Variants in MANSC4 observed in about 807,000 individuals in gnomAD.
MANSC4 encodes MANSC domain containing 4.
A neutral mutation model predicts 11.4 loss-of-function variants in MANSC4; 11 were observed. The observed-to-expected ratio is 0.97, with a 90% CI of 0.61 to 1.60. The LOEUF is 1.60. Among genes scored for constraint, MANSC4 ranks in the 40% most tolerant of loss-of-function variants. MANSC4 has a pLI of 0.00. For missense variants in MANSC4, 354 were observed against 404.6 expected (o/e 0.88, Z 1.07); for synonymous variants, 123 against 147.1 (o/e 0.84, Z 1.19).
intron 1 of MANSC4, among the ~76,000 whole-genome samples, chr12:27,775,024 AAAATAAATAAATAAATAAATAAAT>A (rs71039849): frequency 0.054 from 6,103 of 112,790 alleles, 396 homozygotes; most frequent in African/African-American, 0.18. Context: ...ATTCCGTCTC[AAAATAAATAAATAAATAAATAAAT>A]AAATAAATAA....
At position 27,771,190 on chromosome 12, in the gene MANSC4, A is replaced by G. The variant is rs1318017054; in HGVS notation, c.87T>C (p.Phe29=). 6.4e-7 allele frequency: 1 copy of G among 1,552,012 alleles called. No individual in the cohort carries two copies. Among genetic ancestry groups the G allele is most frequent in the Non-Finnish European group, 8.7e-7 (1 of 1,147,102 alleles). ...TSDSLCSPTI[F]YRDCWIRRFP... is the part of the protein sequence containing the mutation. ...AGCGACGGATCCAGCAGTCTCTGTA[A>G]AAAATTGTGGGTGAGCAGAGAGAGT... The change falls in exon 2 of 4, where the codon TTT becomes TTC. Residue 29 remains phenylalanine (F), a synonymous_variant. Coordinates refer to ENST00000381273, the MANE Select transcript of MANSC4 (RefSeq NM_001146221.5).
At chr12:27,773,249 G>T (rs1185865655) in intron 1 of MANSC4, among the ~76,000 whole-genome samples, 2 of 152,190 alleles carry the variant, frequency 1.3e-5, no homozygotes, top group Admixed American at 1.3e-4. Context: ...ACAAAAAAGG[G>T]ATCTACAAGT....
chr12:27,773,282 A>C (rs2062107523), intron 1 of MANSC4, among the ~76,000 whole-genome samples: 1 of 152,242 alleles, frequency 6.6e-6, no homozygotes, highest in Non-Finnish European at 1.5e-5. Flanking sequence ...GCATGCTTTA[A>C]ATTTTGTAAA....
intron 1 of MANSC4, chr12:27,779,743 T>C (rs2062135114): frequency 6.6e-6 from 1 of 152,278 alleles, no homozygotes; most frequent in South Asian, 2.1e-4. Context: ...CTTTAGCCCG[T>C]GTAAAGCAGC....
intron 1 of MANSC4, among the ~76,000 whole-genome samples, chr12:27,773,656 A>G (rs143245066): frequency 2.7e-3 from 407 of 152,340 alleles, no homozygotes; most frequent in African/African-American, 9.2e-3. Flanking sequence ...TTATTTTTAC[A>G]AGAGTCCCAG....
At chr12:27,778,802 A>G (rs2062129981) in intron 1 of MANSC4, among the ~76,000 whole-genome samples, 1 of 152,172 alleles carries the variant, frequency 6.6e-6, no homozygotes, top group South Asian at 2.1e-4. Flanking sequence ...CAAGACAAAA[A>G]GTCCTTCCTA....
chr12:27,771,297 C>A lies in MANSC4; in HGVS notation c.-21G>T. 1.3e-6 allele frequency: 2 copies of A among 1,539,998 alleles called. No individual in the cohort carries two copies. The highest frequency in any genetic ancestry group is 1.8e-6 in the Non-Finnish European group (2 of 1,139,532). On this transcript the variant is annotated 5_prime_UTR_variant, in exon 2 of 4. Coordinates refer to ENST00000381273, the MANE Select transcript of MANSC4 (RefSeq NM_001146221.5). ...TGCATTTTTCCTGTATGAAGGAAGACTCGAAGATAAGTCTGATTTCCAGAC... is the reference window on the plus strand; with the variant it reads ...TGCATTTTTCCTGTATGAAGGAAGAATCGAAGATAAGTCTGATTTCCAGAC...
chr12:27,777,447 C>A (rs2062123307), intron 1 of MANSC4, among the ~76,000 whole-genome samples: 1 of 152,144 alleles, frequency 6.6e-6, no homozygotes, highest in Admixed American at 6.6e-5. Flanking sequence ...AATTCCCCAG[C>A]CTGATGCTTA....
intron 1 of MANSC4, among the ~76,000 whole-genome samples, chr12:27,778,116 T>G (rs2062126193): frequency 6.6e-6 from 1 of 151,106 alleles, no homozygotes; most frequent in Non-Finnish European, 1.5e-5. Flanking sequence ...TCCCAGCTAC[T>G]CCGGAGGCTG....
intron 1 of MANSC4, among the ~76,000 whole-genome samples, chr12:27,777,610 C>T (rs1293523940): frequency 6.6e-6 from 1 of 152,106 alleles, no homozygotes; most frequent in Non-Finnish European, 1.5e-5. Flanking sequence ...TTATCAGTAA[C>T]GATTTAAAGG....
At chr12:27,778,758 TC>T (rs2062129659) in intron 1 of MANSC4, among the ~76,000 whole-genome samples, 1 of 152,160 alleles carries the variant, frequency 6.6e-6, no homozygotes, top group South Asian at 2.1e-4. Flanking sequence ...AATATATTTC[TC>T]CCCCCACCCC....
chr12:27,762,989 ATTGT>A lies in MANSC4; in HGVS notation c.768_771del (p.Lys256AsnfsTer3), dbSNP rs1332157412. The A allele has an allele frequency of 1.3e-6, 2 of 1,551,756 alleles. No homozygotes were observed. The highest frequency in any genetic ancestry group is 1.7e-6 in the Non-Finnish European group (2 of 1,147,020). On this transcript the variant is annotated frameshift_variant, in exon 4 of 4. Coordinates refer to ENST00000381273, the MANE Select transcript of MANSC4 (RefSeq NM_001146221.5). LOFTEE classifies it low-confidence loss of function (END_TRUNC). ...TTGTATCCTTTGGTTTTGTTTAGTA[ATTGT>A]TTGCTACTGTTGAGTCCAGGTGGAA...
intron 1 of MANSC4, chr12:27,779,755 T>C (rs1179245703): frequency 6.6e-6 from 1 of 152,232 alleles, no homozygotes; most frequent in East Asian, 1.9e-4. Flanking sequence ...TAAAGCAGCG[T>C]GGGAGAGAAA....
At position 27,780,121 on chromosome 12, in the gene MANSC4, AAGG is replaced by A. The variant is rs2062138200; in HGVS notation, c.-307+86_-307+88del. 1 of 189,622 alleles carries A rather than the reference AAGG, an allele frequency of 5.3e-6. No homozygotes were observed. The highest frequency in any genetic ancestry group is 6.1e-5 in the Admixed American group (1 of 16,282). 11.7% of individuals were successfully genotyped at this position (189,622 alleles called of 1,614,324 possible). On this transcript the variant is annotated intron_variant, in intron 1 of 3. Transcript: ENST00000381273. The surrounding 1 kb of genome is among the most constrained non-coding windows in gnomAD (Gnocchi z 8.8). ...CCGGCCCTTTTTTGGCGCTGAGGGA[AAGG>A]AGAAGGGCAGGGCCGCCGCCTCGCG...
intron 1 of MANSC4, among the ~76,000 whole-genome samples, chr12:27,776,626 A>C (rs183357965): frequency 4.7e-4 from 71 of 152,232 alleles, no homozygotes; most frequent in African/African-American, 1.7e-3. Flanking sequence ...GCTACTTGGG[A>C]GGCTGAGGTG....
At chr12:27,764,749 C>G (rs927581485) in intron 3 of MANSC4, among the ~76,000 whole-genome samples, 9 of 152,176 alleles carry the variant, frequency 5.9e-5, no homozygotes, top group Non-Finnish European at 1.0e-4. Flanking sequence ...CTTACATCAT[C>G]TCTTAATATG....
At position 27,763,074 on chromosome 12, in the gene MANSC4, A is replaced by G. The variant is rs1338258135; in HGVS notation, c.687T>C (p.Asn229=). The G allele has an allele frequency of 3.2e-6, 5 of 1,551,694 alleles. No individual in the cohort carries two copies. The Admixed American group carries it at 7.8e-5, about 24-fold the overall frequency. ...PSTDFISNPD[N]KTISPFFEPI... is the part of the protein sequence containing the mutation. The stretch of plus-strand genomic sequence containing the variant: ...GTTCAAAGAAAGGAGAAATAGTCTT[A>G]TTATCTGGATTGCTGATGAAATCAG... The change falls in exon 4 of 4, where the codon AAT becomes AAC. Residue 229 remains asparagine, a synonymous_variant. Transcript: ENST00000381273.
At position 27,762,652 on chromosome 12, in the gene MANSC4, A is replaced by ATTTT. The variant is rs35441719; in HGVS notation, c.*82_*85dup. ...AGGCATGAACCACCACGCCCAGCCT[A>ATTTT]TTTTTTTTTTTTAACCAAACTGCGT... On this transcript the variant is annotated 3_prime_UTR_variant, in exon 4 of 4. Transcript: ENST00000381273. 1.1e-3 allele frequency: 1,236 copies of ATTTT among 1,088,568 alleles called. No homozygotes were observed. Among genetic ancestry groups the ATTTT allele is most frequent in the South Asian group, 1.8e-3 (94 of 51,262 alleles). 67.4% of individuals were successfully genotyped at this position (1,088,568 alleles called of 1,614,324 possible).
intron 3 of MANSC4, among the ~76,000 whole-genome samples, chr12:27,765,026 G>T (rs570887623): frequency 2.6e-5 from 4 of 151,576 alleles, no homozygotes; most frequent in African/African-American, 9.7e-5. Context: ...TGTAGAGATG[G>T]GGGTCTCTCT....
Sources: gnomAD v4.1 joint callset for allele counts (sites outside exome capture counted in the v4.1 genomes callset) on GRCh38, gnomAD v4.1.1 for gene constraint, Gnocchi (gnomAD v3.1) non-coding constraint, MANE v1.5 for transcripts, NCBI Gene and HGNC (gene_info 2026-07-23, HGNC 2026-07-21) for gene names.